The following SIRPB2 variants were observed in gnomAD, a reference collection of about 807,000 sequenced individuals.
SIRPB2 encodes the protein signal regulatory protein beta 2.
A neutral mutation model predicts 27.1 loss-of-function variants in SIRPB2; 18 were observed. The ratio of observed to expected loss-of-function variants is 0.66; its 90% CI spans 0.46 to 0.98. The LOEUF (loss-of-function observed/expected upper bound fraction) is 0.98, where lower values mean the gene tolerates loss of function less well. Among genes scored for constraint, SIRPB2 ranks in the 50% least tolerant of loss-of-function variants. SIRPB2 has a pLI of 0.00. For synonymous variants in SIRPB2, 150 were observed against 164.6 expected (o/e 0.91, Z 0.68); for missense variants, 420 against 417.4 (o/e 1.01, Z -0.06).
chr20:1,485,631 A>AAC (rs752900716), intron 1 of SIRPB2, among the ~76,000 whole-genome samples: 3,187 of 141,566 alleles, frequency 0.023, 50 homozygotes, highest in Non-Finnish European at 0.034. Flanking sequence ...AATACAGTAG[A>AAC]ACACACACAC....
At chr20:1,484,380 C>T (rs1331017763) in intron 1 of SIRPB2, among the ~76,000 whole-genome samples, 1 of 152,080 alleles carries the variant, frequency 6.6e-6, no homozygotes. Flanking sequence ...TTCTTCATAA[C>T]AAAAGCAACT....
At chr20:1,479,236 T>C (rs2090640856) in intron 2 of SIRPB2, 1 of 178,382 alleles carries the variant, frequency 5.6e-6, no homozygotes, top group South Asian at 1.2e-4. Context: ...GATTGAGTAC[T>C]TGGGGAGTGT....
chr20:1,476,118 G>T lies in SIRPB2; in HGVS notation c.*49C>A, dbSNP rs1181178495. 6.3e-7 allele frequency: 1 copy of T among 1,594,738 alleles called. No homozygotes were observed. Among genetic ancestry groups the T allele is most frequent in the Non-Finnish European group, 8.5e-7 (1 of 1,172,976 alleles). ...CTGGAGGTAGGGAAATGGTTGAGGA[G>T]CCCTGGCTCCTCTCCAACTCAGAGG... On this transcript the variant is annotated 3_prime_UTR_variant, in exon 5 of 5. Transcript: ENST00000359801.
At chr20:1,486,076 C>CTTTTTTTTTT (rs200298743) in intron 1 of SIRPB2, among the ~76,000 whole-genome samples, 1 of 141,512 alleles carries the variant, frequency 7.1e-6, no homozygotes. Flanking sequence ...CTTTTCTTTT[C>CTTTTTTTTTT]TTTTTTTTTT....
intron 1 of SIRPB2, among the ~76,000 whole-genome samples, chr20:1,483,356 C>T (rs1480025725): frequency 1.3e-5 from 2 of 152,164 alleles, no homozygotes; most frequent in African/African-American, 4.8e-5. Flanking sequence ...ATCTGCCCAC[C>T]TCAGCCTCCC....
chr20:1,488,063 T>C (rs921330151), intron 1 of SIRPB2, among the ~76,000 whole-genome samples: 5 of 152,206 alleles, frequency 3.3e-5, no homozygotes, highest in African/African-American at 1.2e-4. Context: ...ACCAAAATCA[T>C]GATCCATTAA....
At chr20:1,473,148 C>G (rs1452334108), downstream of SIRPB2, 1 of 152,292 alleles carries the variant, frequency 6.6e-6, no homozygotes, top group Non-Finnish European at 1.5e-5. Context: ...TCTGTCTTCT[C>G]TCGGGAGGAG....
chr20:1,475,458 T>A lies in SIRPB2; in HGVS notation c.*709A>T, dbSNP rs1199148332. 6.6e-6 allele frequency: 1 copy of A among 152,252 alleles called. No homozygotes were observed. The highest frequency in any genetic ancestry group is 2.4e-5 in the African/African-American group (1 of 41,436). The allele number at this position is 152,252 out of a possible 1,614,324, so 9.4% of individuals were successfully genotyped here. ...AGTGAGGTGGCCAAGTTCCTGACTG[T>A]GCACTTAAAGGGGAGGGTCCTGCTC... is the stretch of plus-strand genomic sequence containing the variant. On this transcript the variant is annotated 3_prime_UTR_variant, in exon 5 of 5. Transcript: ENST00000359801.
chr20:1,482,563 CTCT>C, intron 1 of SIRPB2, among the ~76,000 whole-genome samples: 1 of 151,134 alleles, frequency 6.6e-6, no homozygotes, highest in African/African-American at 2.4e-5. Flanking sequence ...TCCTTCCTCT[CTCT>C]CTTTCTCCTT....
chr20:1,478,158 T>G lies in SIRPB2; in HGVS notation c.793+108A>C, dbSNP rs1600005867. ...CATTCCAGGTAGAGGGAAAAACTTATGTAAAGACATGGAGGCTGTGAAGAA... is the reference window on the plus strand; with the variant it reads ...CATTCCAGGTAGAGGGAAAAACTTAGGTAAAGACATGGAGGCTGTGAAGAA... On this transcript the variant is annotated intron_variant, in intron 3 of 4. Coordinates refer to ENST00000359801, the MANE Select transcript of SIRPB2 (RefSeq NM_001122962.2). The G allele has an allele frequency of 3.9e-6, 4 of 1,029,070 alleles. No homozygotes were observed. In the Admixed American group the frequency reaches 7.7e-5, roughly 20 times the overall value. The allele number at this position is 1,029,070 out of a possible 1,614,324, so 63.7% of individuals were successfully genotyped here.
rs11475540 is a variant in SIRPB2 at position 1,475,073 on chromosome 20, AC to A, written c.*1093del. On this transcript the variant is annotated 3_prime_UTR_variant, in exon 5 of 5. Transcript: ENST00000359801. ...TCTCAGTCCACTAGATGGTGGTAGC[AC>A]CCCCCCAGGTTGTGCCAACCAAAAA... The A allele has an allele frequency of 0.27, 41,323 of 151,832 alleles. 7,551 individuals carry two copies. The highest frequency in any genetic ancestry group is 0.52 in the African/African-American group (21,465 of 41,316). The allele number at this position is 151,832 out of a possible 1,614,324, so 9.4% of individuals were successfully genotyped here.
At chr20:1,487,570 AAGAT>A in intron 1 of SIRPB2, among the ~76,000 whole-genome samples, 2 of 152,384 alleles carry the variant, frequency 1.3e-5, no homozygotes, top group African/African-American at 4.8e-5. Context: ...GTATTGCACA[AAGAT>A]AGATAAACAT....
chr20:1,489,832 A>C (rs2090761168), intron 1 of SIRPB2, among the ~76,000 whole-genome samples: 2 of 152,198 alleles, frequency 1.3e-5, no homozygotes, highest in Non-Finnish European at 2.9e-5. Context: ...ATCCTGGGCC[A>C]GCTACGTAAT....
At chr20:1,473,439 C>G (rs375778841), downstream of SIRPB2, among the ~76,000 whole-genome samples, 1 of 152,138 alleles carries the variant, frequency 6.6e-6, no homozygotes, top group African/African-American at 2.4e-5. Context: ...TGCACACATG[C>G]ATGCACACAC....
At chr20:1,489,176 C>T (rs1169009235) in intron 1 of SIRPB2, among the ~76,000 whole-genome samples, 1 of 152,072 alleles carries the variant, frequency 6.6e-6, no homozygotes, top group Non-Finnish European at 1.5e-5. Flanking sequence ...AATACAGATC[C>T]GTGGTTGTTT....
chr20:1,484,194 A>G (rs950209292), intron 1 of SIRPB2, among the ~76,000 whole-genome samples: 1 of 152,218 alleles, frequency 6.6e-6, no homozygotes. Context: ...ACCAAAATCA[A>G]CTAAAGATGA....
At chr20:1,472,092 C>A (rs1397237702), downstream of SIRPB2, among the ~76,000 whole-genome samples, 1 of 152,160 alleles carries the variant, frequency 6.6e-6, no homozygotes, top group East Asian at 1.9e-4. Flanking sequence ...GATCTGAAGG[C>A]CCAGGCAGGA....
At position 1,478,401 on chromosome 20, in the gene SIRPB2, C is replaced by A. The variant is rs772379588; in HGVS notation, c.658G>T (p.Ala220Ser). 4 of 1,614,060 alleles carry A rather than the reference C, an allele frequency of 2.5e-6. No homozygotes were observed. Among genetic ancestry groups the A allele is most frequent in the Non-Finnish European group, 2.5e-6 (3 of 1,180,032 alleles). ...AGAATGCTGAAGTCATTGTTGGAGGCCTGCACCGCTGTCTCCTTGGGGTGG... is the reference window on the plus strand; with the variant it reads ...AGAATGCTGAAGTCATTGTTGGAGGACTGCACCGCTGTCTCCTTGGGGTGG... ...ISHPKETAVQ[A>S]SNNDFSILLQ... Residue 220 changes from alanine (A) to serine (S), a missense_variant, in exon 3 of 5, where the codon GCC becomes TCC. By Grantham distance (99) the Ala-to-Ser change is moderately conservative. Coordinates refer to ENST00000359801, the MANE Select transcript of SIRPB2 (RefSeq NM_001122962.2).
chr20:1,481,939 T>C (rs549361275), intron 1 of SIRPB2, among the ~76,000 whole-genome samples: 2 of 152,320 alleles, frequency 1.3e-5, no homozygotes, highest in African/African-American at 2.4e-5. Flanking sequence ...ATGGTGCCTG[T>C]TCCCACCAGC....
Sources: gnomAD v4.1 joint callset for allele counts (sites outside exome capture counted in the v4.1 genomes callset) on GRCh38, gnomAD v4.1.1 for gene constraint, MANE v1.5 for transcripts, NCBI Gene and HGNC (gene_info 2026-07-23, HGNC 2026-07-21) for gene names.